Variants in ATP11A observed in about 807,000 individuals in gnomAD.
ATP11A encodes the protein ATPase phospholipid transporting 11A.
Under a neutral mutation model 154.4 loss-of-function variants are expected in ATP11A, and 81 were observed. That is an observed-to-expected ratio of 0.52 (90% CI 0.44 to 0.63). The LOEUF is 0.63. Ranked by LOEUF, ATP11A falls within the 30% of genes least tolerant of loss-of-function variation. The pLI is 0.00. For missense variants in ATP11A, 1,316 were observed against 1,474.3 expected (o/e 0.89, Z 1.76); for synonymous variants, 623 against 585.9 (o/e 1.06, Z -0.91).
At chr13:112,872,736 C>T (rs2080563032) in intron 26 of ATP11A, among the ~76,000 whole-genome samples, 1 of 152,264 alleles carries the variant, frequency 6.6e-6, no homozygotes, top group Admixed American at 6.5e-5. Flanking sequence ...CTGGGAAATA[C>T]ATCCATGGCT....
intron 2 of ATP11A, among the ~76,000 whole-genome samples, chr13:112,786,681 G>T (rs112577234): frequency 0.3 from 43,187 of 142,620 alleles, 3,324 homozygotes; most frequent in South Asian, 0.35. Flanking sequence ...CCTGCATTCA[G>T]ACTCCATTTA....
chr13:112,864,327 G>T (rs61961586), intron 25 of ATP11A, among the ~76,000 whole-genome samples: 12 of 23,456 alleles, frequency 5.1e-4, no homozygotes, highest in African/African-American at 7.6e-4. Flanking sequence ...TCACCACATG[G>T]GCAGTAATTC....
At chr13:112,846,384 C>T (rs529283407) in intron 17 of ATP11A, among the ~76,000 whole-genome samples, 1 of 152,250 alleles carries the variant, frequency 6.6e-6, no homozygotes, top group East Asian at 1.9e-4. Context: ...GAGTTTTTCC[C>T]GTGCAGCGTC....
intron 16 of ATP11A, 123 bp from the exon 17 acceptor site, chr13:112,842,153 A>T: frequency 1.3e-6 from 1 of 747,888 alleles, no homozygotes; most frequent in Non-Finnish European, 2.2e-6. Flanking sequence ...GTCCATTAAA[A>T]TCTTTAAAAA....
chr13:112,863,108 C>G (rs569344405), intron 25 of ATP11A, among the ~76,000 whole-genome samples: 2 of 146,296 alleles, frequency 1.4e-5, no homozygotes, highest in African/African-American at 5.2e-5. Context: ...GTAGCACATG[C>G]AGTTTCCCAG....
At chr13:112,881,272 A>C in intron 29 of ATP11A, 1 of 992,576 alleles carries the variant, frequency 1.0e-6, no homozygotes, top group Non-Finnish European at 1.2e-6. Context: ...CCGGGGCCCC[A>C]GTGGGCTGTC....
intron 2 of ATP11A, among the ~76,000 whole-genome samples, chr13:112,787,968 A>ACC (rs1322431415): frequency 6.7e-6 from 1 of 150,158 alleles, no homozygotes; most frequent in East Asian, 2.0e-4. Context: ...TCCTGTGGAG[A>ACC]CCTACTTAAT....
chr13:112,881,654 A>G (rs2080888028), intron 29 of ATP11A: 1 of 1,200,942 alleles, frequency 8.3e-7, no homozygotes, highest in Non-Finnish European at 1.1e-6. Flanking sequence ...GGTGGGGTGG[A>G]TCCCGCCCGG....
chr13:112,808,357 CT>C (rs572552359), intron 4 of ATP11A, among the ~76,000 whole-genome samples: 3 of 152,192 alleles, frequency 2.0e-5, no homozygotes, highest in Admixed American at 2.0e-4. Context: ...ACCAGCACCC[CT>C]GCCTCTGCCC....
rs745490523 is a variant in ATP11A at position 112,825,411 on chromosome 13, C to G, written c.873-19C>G. Reference sequence around the variant, plus strand: ...CATTTCCTCAGGGACCAGTGATCACCTCTGTCCTTTTGTTTTAGATCGATG... The same window carrying G: ...CATTTCCTCAGGGACCAGTGATCACGTCTGTCCTTTTGTTTTAGATCGATG... On this transcript the variant is annotated intron_variant, in intron 10 of 29. Coordinates refer to ENST00000375645, the MANE Select transcript of ATP11A (RefSeq NM_015205.3). 1 of 1,600,238 alleles carries G rather than the reference C, an allele frequency of 6.2e-7. No individual in the cohort carries two copies. The highest frequency in any genetic ancestry group is 8.5e-7 in the Non-Finnish European group (1 of 1,172,700).
At position 112,884,390 on chromosome 13, in the gene ATP11A, A is replaced by G. The variant is rs1242493603; in HGVS notation, c.*2524A>G. The G allele has an allele frequency of 6.6e-6, 1 of 152,600 alleles. No homozygotes were observed. The highest frequency in any genetic ancestry group is 1.5e-5 in the Non-Finnish European group (1 of 68,030). The allele number at this position is 152,600 out of a possible 1,614,324, so 9.5% of individuals were successfully genotyped here. On this transcript the variant is annotated 3_prime_UTR_variant, in exon 30 of 30. Coordinates refer to ENST00000375645, the MANE Select transcript of ATP11A (RefSeq NM_015205.3). ...TGGAGATAGTCACCATGTACCTCTG[A>G]CAACAAGTTTTAGTGTGAAAGTCAC...
intron 2 of ATP11A, among the ~76,000 whole-genome samples, chr13:112,799,328 T>C (rs1403522553): frequency 6.6e-6 from 1 of 152,046 alleles, no homozygotes; most frequent in Non-Finnish European, 1.5e-5. Flanking sequence ...GTGAAGAGAG[T>C]CCACCAATAG....
intron 4 of ATP11A, among the ~76,000 whole-genome samples, chr13:112,809,034 G>C (rs2078410960): frequency 6.6e-6 from 1 of 152,202 alleles, no homozygotes; most frequent in Non-Finnish European, 1.5e-5. Context: ...CATTGAACTT[G>C]CAGTTATTTC....
At chr13:112,710,934 G>A (rs963277302) in intron 1 of ATP11A, among the ~76,000 whole-genome samples, 8 of 151,832 alleles carry the variant, frequency 5.3e-5, no homozygotes, top group Admixed American at 3.9e-4. Context: ...GCTTCAGAGC[G>A]GAGGGCAGGG....
rs1365834249 is a variant in ATP11A, at chr13:112,884,475, A to G, written c.*2609A>G. ...AATTGCTTGGGAAATTATTAAATGA[A>G]TGTGCCTGATGATTTGAAATAGACA... On this transcript the variant is annotated 3_prime_UTR_variant, in exon 30 of 30. Transcript: ENST00000375645. 1.3e-5 allele frequency: 2 copies of G among 152,352 alleles called. No homozygotes were observed. Among genetic ancestry groups the G allele is most frequent in the Non-Finnish European group, 2.9e-5 (2 of 68,036 alleles). The allele number at this position is 152,352 out of a possible 1,614,324, so 9.4% of individuals were successfully genotyped here. A position where few individuals can be genotyped will look rare whatever the true frequency, so the allele number is the denominator to read the frequency against.
At chr13:112,812,432 G>C (rs1372976840) in intron 5 of ATP11A, among the ~76,000 whole-genome samples, 3 of 152,212 alleles carry the variant, frequency 2.0e-5, no homozygotes, top group Non-Finnish European at 4.4e-5. Context: ...AGGAGGTTTG[G>C]TGAGGGAGGC....
chr13:112,826,958 A>G, intron 12 of ATP11A, 67 bp downstream of exon 12: 1 of 1,538,132 alleles, frequency 6.5e-7, no homozygotes, highest in Non-Finnish European at 8.9e-7. Flanking sequence ...CACGTTCCTC[A>G]GGTCCTGTGC....
At chr13:112,866,359 A>G (rs902468553) in intron 25 of ATP11A, among the ~76,000 whole-genome samples, 2 of 152,132 alleles carry the variant, frequency 1.3e-5, no homozygotes, top group Non-Finnish European at 2.9e-5. Flanking sequence ...CCTGACGCAC[A>G]TCCTTGCTGT....
intron 1 of ATP11A, among the ~76,000 whole-genome samples, chr13:112,730,036 T>C (rs748041017): frequency 1.3e-5 from 2 of 152,226 alleles, no homozygotes; most frequent in Non-Finnish European, 1.5e-5. Context: ...GAGTCTCATC[T>C]CTGTGTCCAT....
Sources: gnomAD v4.1 joint callset for allele counts (sites outside exome capture counted in the v4.1 genomes callset) on GRCh38, gnomAD v4.1.1 for gene constraint, MANE v1.5 for transcripts, NCBI Gene and HGNC (gene_info 2026-07-23, HGNC 2026-07-21) for gene names.